The following CCBE1 variants were observed in gnomAD, a reference collection of about 807,000 sequenced individuals.
CCBE1 encodes the protein collagen and calcium binding EGF domains 1.
A neutral mutation model predicts 50.0 loss-of-function variants in CCBE1; 37 were observed. The ratio of observed to expected loss-of-function variants is 0.74; its 90% CI spans 0.57 to 0.97. The LOEUF (loss-of-function observed/expected upper bound fraction) is 0.97. Ranked by LOEUF, CCBE1 falls within the 50% of genes least tolerant of loss-of-function variation. The pLI is 0.00. For synonymous variants in CCBE1, 234 were observed against 203.7 expected, an observed-to-expected ratio of 1.15 and a Z score of -1.27; for missense variants, 538 against 523.8, an observed-to-expected ratio of 1.03 and a Z score of -0.26.
At position 59,469,586 on chromosome 18, in the gene CCBE1, G is replaced by C. The variant is rs149792489; in HGVS notation, c.287C>G (p.Ala96Gly). The change falls in exon 4 of 11, where the codon GCT becomes GGT. Residue 96 changes from alanine (A) to glycine (G), a missense_variant. Physicochemically the swap from Ala to Gly is moderately conservative, Grantham distance 60. Transcript: ENST00000439986. Reference protein sequence around the residue: ...IPEDYDVCAEAPCEQQCTDNF... With the variant: ...IPEDYDVCAEGPCEQQCTDNF... ...GTCCGTGCACTGCTGTTCACAGGGA[G>C]CCTCGGCACAAACGTCGTAATCTGA... is the stretch of plus-strand genomic sequence containing the variant. 96 of 1,614,168 alleles carry C rather than the reference G, an allele frequency of 5.9e-5. No homozygotes were observed. Among genetic ancestry groups the C allele is most frequent in the Middle Eastern group, 3.3e-4 (2 of 6,016 alleles).
At chr18:59,556,417 C>G (rs2052658194) in intron 2 of CCBE1, among the ~76,000 whole-genome samples, 2 of 152,118 alleles carry the variant, frequency 1.3e-5, no homozygotes, top group South Asian at 4.1e-4. Flanking sequence ...TAACATATGC[C>G]TCCTCAGCAT....
chr18:59,483,032 A>G (rs1240718250), intron 2 of CCBE1, among the ~76,000 whole-genome samples: 2 of 152,126 alleles, frequency 1.3e-5, no homozygotes, highest in African/African-American at 2.4e-5. Context: ...TGGGAACTGC[A>G]TGTCACCTAC....
At chr18:59,631,528 G>A (rs1462803195) in intron 2 of CCBE1, among the ~76,000 whole-genome samples, 3 of 152,166 alleles carry the variant, frequency 2.0e-5, no homozygotes, top group African/African-American at 7.2e-5. Flanking sequence ...AGCCTCTAAT[G>A]CTAGATGTCA....
In CCBE1 at chr18:59,547,035, A is replaced by AAGAGAGGGGGACAGAGGGGG. The variant is rs1568199043; in HGVS notation, c.213-66798_213-66797insCCCCCTCTGTCCCCCTCTCT. On this transcript the variant is annotated intron_variant, in intron 2 of 10. Coordinates refer to ENST00000439986, the MANE Select transcript of CCBE1 (RefSeq NM_133459.4). ...TGTGGTTAGAGGAATGGGAGAGAGA[A>AAGAGAGGGGGACAGAGGGGG]AGAGAGGGGGAGAGAGGGGGAGAGA... is the stretch of plus-strand genomic sequence containing the variant. Among the ~76,000 whole-genome samples the AAGAGAGGGGGACAGAGGGGG allele has an allele frequency of 6.5e-3, 507 of 77,864 alleles. 23 individuals carry two copies. Among genetic ancestry groups the AAGAGAGGGGGACAGAGGGGG allele is most frequent in the Non-Finnish European group, 8.5e-3 (362 of 42,786 alleles). 51.1% of individuals were successfully genotyped at this position (77,864 alleles called of 152,430 possible).
intron 2 of CCBE1, among the ~76,000 whole-genome samples, chr18:59,487,321 G>C (rs767348932): frequency 7.2e-5 from 11 of 151,938 alleles, no homozygotes; most frequent in Non-Finnish European, 1.3e-4. Flanking sequence ...AATTTTAAAA[G>C]GCTGAGGGTT....
chr18:59,515,823 C>T (rs1230730379), intron 2 of CCBE1, among the ~76,000 whole-genome samples: 3 of 152,144 alleles, frequency 2.0e-5, no homozygotes, highest in Admixed American at 2.0e-4. Flanking sequence ...TCTCCCCGAA[C>T]CTCAGTTTTC....
At chr18:59,576,289 G>C (rs1162880970) in intron 2 of CCBE1, among the ~76,000 whole-genome samples, 5 of 152,214 alleles carry the variant, frequency 3.3e-5, no homozygotes, top group Non-Finnish European at 7.3e-5. Flanking sequence ...GGGTACTCAA[G>C]AACAGAGCTG....
intron 3 of CCBE1, among the ~76,000 whole-genome samples, chr18:59,472,063 T>G (rs1358856238): frequency 6.6e-6 from 1 of 152,232 alleles, no homozygotes; most frequent in Non-Finnish European, 1.5e-5. Flanking sequence ...AAAATCAGCC[T>G]CACTATATCC....
chr18:59,539,436 A>G (rs1480470640), intron 2 of CCBE1, among the ~76,000 whole-genome samples: 1 of 152,188 alleles, frequency 6.6e-6, no homozygotes, highest in Non-Finnish European at 1.5e-5. Flanking sequence ...CAAATCCTTC[A>G]AACTTAGAAC....
rs752150539 is a variant in CCBE1, at chr18:59,583,654, C to CGTGTGTGTGT, written c.213-103426_213-103417dup. On this transcript the variant is annotated intron_variant, in intron 2 of 10. Coordinates refer to ENST00000439986, the MANE Select transcript of CCBE1 (RefSeq NM_133459.4). The stretch of plus-strand genomic sequence containing the variant: ...AAGGCCTTACCCTGTCACTGCTTTG[C>CGTGTGTGTGT]GTGTGTGTGTGTGTGTGTGTGTGTG... Among the ~76,000 whole-genome samples, 475 of 142,182 alleles carry CGTGTGTGTGT rather than the reference C, an allele frequency of 3.3e-3. 5 individuals carry two copies. Among genetic ancestry groups the CGTGTGTGTGT allele is most frequent in the African/African-American group, 0.012 (453 of 38,508 alleles). 93.3% of individuals were successfully genotyped at this position (142,182 alleles called of 152,430 possible).
At chr18:59,657,514 G>A (rs2054207045) in intron 2 of CCBE1, among the ~76,000 whole-genome samples, 1 of 152,232 alleles carries the variant, frequency 6.6e-6, no homozygotes, top group South Asian at 2.1e-4. Context: ...AAAGAGGATT[G>A]CTTTCATTCA....
chr18:59,479,254 C>T (rs1295539272), intron 3 of CCBE1, among the ~76,000 whole-genome samples: 1 of 152,150 alleles, frequency 6.6e-6, no homozygotes, highest in African/African-American at 2.4e-5. Flanking sequence ...TGTCAGGGCT[C>T]TGCCTGGAAC....
At chr18:59,513,658 G>A (rs1445843197) in intron 2 of CCBE1, among the ~76,000 whole-genome samples, 2 of 152,236 alleles carry the variant, frequency 1.3e-5, no homozygotes, top group Admixed American at 1.3e-4. Context: ...CGAGGTGACA[G>A]AGAAGATAGC....
At chr18:59,596,032 C>G (rs2053345803) in intron 2 of CCBE1, among the ~76,000 whole-genome samples, 1 of 152,214 alleles carries the variant, frequency 6.6e-6, no homozygotes, top group Non-Finnish European at 1.5e-5. Context: ...TGCCTATTGT[C>G]TAGGACTTTT....
chr18:59,563,555 C>T (rs1000320486), intron 2 of CCBE1, among the ~76,000 whole-genome samples: 10 of 152,120 alleles, frequency 6.6e-5, no homozygotes, highest in African/African-American at 2.2e-4. Context: ...AGCAGTAGAC[C>T]CTACAGGGCA....
intron 6 of CCBE1, among the ~76,000 whole-genome samples, chr18:59,454,302 T>A (rs1277064397): frequency 6.6e-6 from 1 of 152,176 alleles, no homozygotes; most frequent in Non-Finnish European, 1.5e-5. Context: ...TGGAGTGCAA[T>A]GGAGTGGTCC....
intron 2 of CCBE1, among the ~76,000 whole-genome samples, chr18:59,657,060 G>T (rs1316788295): frequency 6.6e-6 from 1 of 152,238 alleles, no homozygotes; most frequent in African/African-American, 2.4e-5. Flanking sequence ...CACAGCCTAA[G>T]ATTCTGCCTT....
intron 2 of CCBE1, among the ~76,000 whole-genome samples, chr18:59,577,342 C>G (rs1452397862): frequency 2.6e-5 from 4 of 152,154 alleles, no homozygotes; most frequent in African/African-American, 4.8e-5. Flanking sequence ...CCAACAAAAA[C>G]CAAGTCTGGC....
intron 2 of CCBE1, among the ~76,000 whole-genome samples, chr18:59,646,217 G>T (rs937456148): frequency 6.6e-6 from 1 of 152,124 alleles, no homozygotes; most frequent in Non-Finnish European, 1.5e-5. Context: ...AGGAAACTAC[G>T]CATGGAAAAT....
Sources: allele counts gnomAD v4.1 joint callset (sites outside exome capture counted in the v4.1 genomes callset), GRCh38; gene constraint gnomAD v4.1.1; transcripts MANE v1.5; gene names NCBI Gene and HGNC (gene_info 2026-07-23, HGNC 2026-07-21).